The following UGCG variants were observed in gnomAD, a reference collection of about 807,000 sequenced individuals.
UGCG encodes UDP-glucose ceramide glucosyltransferase.
A neutral mutation model predicts 49.5 loss-of-function variants in UGCG; 10 were observed. The ratio of observed to expected loss-of-function variants is 0.20; its 90% CI spans 0.12 to 0.34. The LOEUF is 0.34. Among genes scored for constraint, UGCG ranks in the 10% least tolerant of loss-of-function variants. The pLI is 1.00. For missense variants in UGCG, 312 were observed against 483.7 expected, an observed-to-expected ratio of 0.65 and a Z score of 3.33; for synonymous variants, 182 against 158.2, an observed-to-expected ratio of 1.15 and a Z score of -1.13.
Position 111,924,789 on chromosome 9 carries a change from T to C in UGCG, c.356T>C (p.Val119Ala), listed in dbSNP as rs1186645492. 2 of 1,525,636 alleles carry C rather than the reference T, an allele frequency of 1.3e-6. No individual in the cohort carries two copies. Among genetic ancestry groups the C allele is most frequent in the Non-Finnish European group, 1.7e-6 (2 of 1,144,258 alleles). The allele number at this position is 1,525,636 out of a possible 1,614,324, so 94.5% of individuals were successfully genotyped here. Reference protein sequence around the residue: ...DARLFIGGKKVGINPKINNLM... With the variant: ...DARLFIGGKKAGINPKINNLM... ...TTTACATTTTTAGGTGGCAAAAAAG[T>C]TGGCATTAATCCTAAAATTAATAAT... Residue 119 changes from valine to alanine, a missense_variant, in exon 4 of 9, where the codon GTT (valine) becomes GCT (alanine). Physicochemically the swap from Val to Ala is moderately conservative, Grantham distance 64. Transcript: ENST00000374279.
chr9:111,928,944 A>C (rs1426323082), intron 5 of UGCG, among the ~76,000 whole-genome samples: 1 of 152,144 alleles, frequency 6.6e-6, no homozygotes, highest in Non-Finnish European at 1.5e-5. Flanking sequence ...ACATTGAAAA[A>C]AATGGAGAAA....
intron 1 of UGCG, among the ~76,000 whole-genome samples, chr9:111,904,879 A>G (rs912615570): frequency 6.6e-6 from 1 of 152,044 alleles, no homozygotes; most frequent in African/African-American, 2.4e-5. Context: ...AAAAAAATTC[A>G]ACTAGAGAGC....
chr9:111,910,741 CTTTTTTG>C (rs1473130193), intron 1 of UGCG, among the ~76,000 whole-genome samples: 1 of 151,844 alleles, frequency 6.6e-6, no homozygotes, highest in Non-Finnish European at 1.5e-5. Context: ...AGACTTTTTT[CTTTTTTG>C]TTTTTGTTTT....
At chr9:111,898,915 G>A (rs1315733071) in intron 1 of UGCG, among the ~76,000 whole-genome samples, 1 of 152,170 alleles carries the variant, frequency 6.6e-6, no homozygotes, top group Non-Finnish European at 1.5e-5. Flanking sequence ...TTATTGAAAA[G>A]CCGTTTTGTG....
chr9:111,933,259 G>T lies in UGCG; in HGVS notation c.*262G>T. The T allele has an allele frequency of 5.0e-6, 1 of 200,276 alleles. No individual in the cohort carries two copies. The allele number at this position is 200,276 out of a possible 1,614,324, so 12.4% of individuals were successfully genotyped here. A position where few individuals can be genotyped will look rare whatever the true frequency, so the allele number is the denominator to read the frequency against. ...TAGGAACCTGGGTTCGTTCATCATTGTTGTTTATTTTTTTAAAATAAATAA... is the reference window on the plus strand; with the variant it reads ...TAGGAACCTGGGTTCGTTCATCATTTTTGTTTATTTTTTTAAAATAAATAA... On this transcript the variant is annotated 3_prime_UTR_variant, in exon 9 of 9. Transcript: ENST00000374279.
At chr9:111,927,810 TC>T (rs1248078984) in intron 5 of UGCG, among the ~76,000 whole-genome samples, 2 of 152,126 alleles carry the variant, frequency 1.3e-5, no homozygotes, top group African/African-American at 4.8e-5. Flanking sequence ...AGTCTTTATT[TC>T]CCCCACCACC....
chr9:111,932,124 T>A, intron 7 of UGCG, 46 bp from the exon 8 acceptor site: 1 of 1,575,600 alleles, frequency 6.3e-7, no homozygotes, highest in South Asian at 1.1e-5. Context: ...GGATTTGTCT[T>A]GTAGCCAGGA....
rs148697735 is a variant in UGCG, at chr9:111,898,184, C to T, written c.98+871C>T. On this transcript the variant is annotated intron_variant, in intron 1 of 8. Transcript: ENST00000374279. ...GTGAATAGAGACATGGGTTATGTGG[C>T]TAGTTTGGTATATCCACTGTTTAAG... 9.6e-3 allele frequency among the ~76,000 whole-genome samples: 1,459 copies of T among 151,658 alleles called. 26 individuals carry two copies. The highest frequency in any genetic ancestry group is 0.032 in the African/African-American group (1,340 of 41,298).
At chr9:111,911,575 T>G (rs1837995366) in intron 1 of UGCG, among the ~76,000 whole-genome samples, 1 of 151,894 alleles carries the variant, frequency 6.6e-6, no homozygotes, top group Non-Finnish European at 1.5e-5. Context: ...CTCTTAATAT[T>G]TTTAGTGATT....
chr9:111,902,153 G>A (rs768179151), intron 1 of UGCG, among the ~76,000 whole-genome samples: 5 of 151,656 alleles, frequency 3.3e-5, no homozygotes, highest in East Asian at 1.9e-4. Context: ...ACTCCTACTC[G>A]TTCAAGTCAT....
chr9:111,924,769 A>AT lies in UGCG; in HGVS notation c.344-3dup. 1 of 1,493,124 alleles carries AT rather than the reference A, an allele frequency of 6.7e-7. No homozygotes were observed. Among genetic ancestry groups the AT allele is most frequent in the Non-Finnish European group, 9.0e-7 (1 of 1,115,914 alleles). The allele number at this position is 1,493,124 out of a possible 1,614,324, so 92.5% of individuals were successfully genotyped here. A position where few individuals can be genotyped will look rare whatever the true frequency, so the allele number is the denominator to read the frequency against. ...AAATCTTTTACTACTGTACCTTTAC[A>AT]TTTTTAGGTGGCAAAAAAGTTGGCA... On this transcript the variant is annotated splice_region_variant and splice_polypyrimidine_tract_variant and intron_variant, in intron 3 of 8. Coordinates refer to ENST00000374279, the MANE Select transcript of UGCG (RefSeq NM_003358.3).
At chr9:111,931,182 G>C in intron 6 of UGCG, 89 bp from the exon 7 acceptor site, 2 of 1,300,892 alleles carry the variant, frequency 1.5e-6, no homozygotes, top group Non-Finnish European at 2.2e-6. Context: ...GCAGTTGCCT[G>C]GTCTTTATAA....
At chr9:111,912,284 AT>A (rs1293251480) in intron 1 of UGCG, among the ~76,000 whole-genome samples, 4 of 152,096 alleles carry the variant, frequency 2.6e-5, no homozygotes, top group Admixed American at 6.6e-5. Context: ...GTTCTTTAAA[AT>A]TATCCAATCT....
At chr9:111,932,801 TA>T in intron 8 of UGCG, 25 bp from the exon 9 acceptor site, 1 of 1,526,210 alleles carries the variant, frequency 6.6e-7, no homozygotes, top group Non-Finnish European at 8.8e-7. Context: ...TGAGTGAAAT[TA>T]AAAAATTTTT....
chr9:111,898,486 T>A (rs1383088355), intron 1 of UGCG, among the ~76,000 whole-genome samples: 1 of 152,088 alleles, frequency 6.6e-6, no homozygotes, highest in Admixed American at 6.6e-5. Context: ...TTCCTGGTAC[T>A]GAGAAAGATG....
intron 6 of UGCG, among the ~76,000 whole-genome samples, chr9:111,930,643 G>A (rs557256610): frequency 6.6e-6 from 1 of 151,670 alleles, no homozygotes; most frequent in South Asian, 2.1e-4. Context: ...ACTTTTTTTT[G>A]TATGTTAGTA....
In UGCG at chr9:111,914,112, A is replaced by G. The variant is rs533848877; in HGVS notation, c.99-493A>G. ...ACGGTGTTTTATTTTACCTGTTTTT[A>G]TAGTTCTGTGGCCACTTCAGTGGCA... On this transcript the variant is annotated intron_variant, in intron 1 of 8. Coordinates refer to ENST00000374279, the MANE Select transcript of UGCG (RefSeq NM_003358.3). Among the ~76,000 whole-genome samples the G allele has an allele frequency of 1.2e-4, 19 of 152,192 alleles. No individual in the cohort carries two copies. In the South Asian group the frequency reaches 3.3e-3, roughly 27 times the overall value.
chr9:111,922,303 CA>C (rs1838241632), intron 2 of UGCG, among the ~76,000 whole-genome samples: 1 of 151,806 alleles, frequency 6.6e-6, no homozygotes, highest in Admixed American at 6.6e-5. Context: ...AGTTATGAAA[CA>C]AAAAAGGGTA....
chr9:111,932,023 TAA>T (rs10708488), intron 7 of UGCG, 145 bp from the exon 8 acceptor site: 17,114 of 735,308 alleles, frequency 0.023, 140 homozygotes, highest in South Asian at 0.029. Flanking sequence ...CCGTCTCAAG[TAA>T]AAAAAAAAAA....
Sources: gnomAD v4.1 joint callset for allele counts (sites outside exome capture counted in the v4.1 genomes callset) on GRCh38, gnomAD v4.1.1 for gene constraint, MANE v1.5 for transcripts, NCBI Gene and HGNC (gene_info 2026-07-23, HGNC 2026-07-21) for gene names.